Variants in GPR161 observed in about 807,000 individuals in gnomAD.
The protein encoded by GPR161 is G protein-coupled receptor 161, also known as G-protein coupled receptor RE2.
A neutral mutation model predicts 39.2 loss-of-function variants in GPR161; 25 were observed. That is an observed-to-expected ratio of 0.64 (90% CI 0.47 to 0.89). The LOEUF (loss-of-function observed/expected upper bound fraction) is 0.89, where lower values mean the gene tolerates loss of function less well. GPR161 is among the 40% of genes least tolerant of loss of function. The pLI, the probability that GPR161 is intolerant of heterozygous loss-of-function variation, is 0.00. For missense variants in GPR161, 547 were observed against 677.8 expected, an observed-to-expected ratio of 0.81 and a Z score of 2.14; for synonymous variants, 286 against 276.6, an observed-to-expected ratio of 1.03 and a Z score of -0.34.
At chr1:168,133,859 A>G (rs1699172450) in intron 1 of GPR161, 2 of 868,118 alleles carry the variant, frequency 2.3e-6, no homozygotes, top group African/African-American at 1.8e-5. Context: ...TATAATAGCA[A>G]TAAACTATAT....
upstream of GPR161, chr1:168,136,948 G>GGGGCC: frequency 1.1e-6 from 1 of 910,984 alleles, no homozygotes; most frequent in Non-Finnish European, 1.3e-6. Flanking sequence ...CGGCGCCCGC[G>GGGGCC]CCCCGCCCCG....
In GPR161 at chr1:168,096,888, T is replaced by C. The variant is rs773788330; in HGVS notation, c.719A>G (p.Lys240Arg). 8 of 1,614,020 alleles carry C rather than the reference T, an allele frequency of 5.0e-6. No individual in the cohort carries two copies. In the African/African-American group the frequency reaches 8.0e-5, roughly 16 times the overall value. ...AGAGGAGGTGGAGGTGCTGGAGTTCTTCCTCCCGGTCCTCTGAGCATCCTC... is the reference window on the plus strand; with the variant it reads ...AGAGGAGGTGGAGGTGCTGGAGTTCCTCCTCCCGGTCCTCTGAGCATCCTC... The part of the protein sequence containing the change: ...VEEDAQRTGR[K>R]NSSTSTSSSG... The change falls in exon 3 of 6, where the codon AAG becomes AGG. Residue 240 changes from lysine (K) to arginine (R), a missense_variant. Transcript: ENST00000682931.
At chr1:168,105,315 C>A (rs988876357) in intron 1 of GPR161, among the ~76,000 whole-genome samples, 4 of 152,118 alleles carry the variant, frequency 2.6e-5, no homozygotes, top group Non-Finnish European at 5.9e-5. Flanking sequence ...GGGGCTGTTA[C>A]AAGTGGTCTA....
At chr1:168,092,928 G>A (rs1263537151) in intron 3 of GPR161, among the ~76,000 whole-genome samples, 1 of 152,110 alleles carries the variant, frequency 6.6e-6, no homozygotes, top group African/African-American at 2.4e-5. Context: ...TGGAGGGGGT[G>A]CCCCCTGATA....
chr1:168,104,389 C>A, intron 2 of GPR161, 88 bp downstream of exon 2: 2 of 1,118,442 alleles, frequency 1.8e-6, no homozygotes, highest in African/African-American at 1.5e-5. Flanking sequence ...CTGACACTCT[C>A]CAGGGAACTA....
At chr1:168,122,932 A>G (rs2102238160) in intron 1 of GPR161, among the ~76,000 whole-genome samples, 1 of 152,378 alleles carries the variant, frequency 6.6e-6, no homozygotes, top group South Asian at 2.1e-4. Flanking sequence ...AAATTTTCCG[A>G]TCAGCACCTA....
chr1:168,090,357 A>T (rs1251904339), intron 4 of GPR161: 2 of 491,766 alleles, frequency 4.1e-6, no homozygotes, highest in African/African-American at 1.9e-5. Context: ...TGACAGCCCC[A>T]TTTTGTAGAG....
rs1694166197 is a variant in GPR161, at chr1:168,082,763, A to C, written c.*2768T>G. On this transcript the variant is annotated 3_prime_UTR_variant, in exon 6 of 6. Transcript: ENST00000682931. ...GGCTGCAGGCCTGCCACTGCATGGC[A>C]GTTTACAGCTAAAGAGCCTGGGTTT... is the stretch of plus-strand genomic sequence containing the variant. 1 of 152,366 alleles carries C rather than the reference A, an allele frequency of 6.6e-6. No individual in the cohort carries two copies. The highest frequency in any genetic ancestry group is 2.1e-4 in the South Asian group (1 of 4,832). 9.4% of individuals were successfully genotyped at this position (152,366 alleles called of 1,614,324 possible). A position where few individuals can be genotyped will look rare whatever the true frequency, so the allele number is the denominator to read the frequency against.
In GPR161 at chr1:168,104,593, C is replaced by T. The variant is rs990607394; in HGVS notation, c.258G>A (p.Thr86=). ...LSVLVLPFVV[T]SSIRREWIFG... is the part of the protein sequence containing the mutation. ...AGATCCATTCCCTGCGGATGGAGCT[C>T]GTCACCACAAAAGGCAGCACCAACA... The change falls in exon 2 of 6, where the codon ACG becomes ACA. Residue 86 remains threonine (T), a synonymous_variant. Transcript: ENST00000682931. 5.6e-6 allele frequency: 9 copies of T among 1,613,680 alleles called. No homozygotes were observed. Among genetic ancestry groups the T allele is most frequent in the Middle Eastern group, 1.6e-4 (1 of 6,084 alleles).
At chr1:168,132,450 T>C (rs1699066075) in intron 1 of GPR161, among the ~76,000 whole-genome samples, 1 of 150,820 alleles carries the variant, frequency 6.6e-6, no homozygotes. Flanking sequence ...TAGCCGGGCG[T>C]GGTGGCAGGT....
chr1:168,128,715 T>C (rs1292532274), intron 1 of GPR161, among the ~76,000 whole-genome samples: 1 of 152,220 alleles, frequency 6.6e-6, no homozygotes, highest in African/African-American at 2.4e-5. Flanking sequence ...TTAATTATTT[T>C]TTATTTATTA....
rs1280661617 is a variant in GPR161 at position 168,080,469 on chromosome 1, A to G, written c.*5062T>C. 1 of 152,274 alleles carries G rather than the reference A, an allele frequency of 6.6e-6. No homozygotes were observed. The highest frequency in any genetic ancestry group is 1.5e-5 in the Non-Finnish European group (1 of 68,084). 9.4% of individuals were successfully genotyped at this position (152,274 alleles called of 1,614,324 possible). On this transcript the variant is annotated 3_prime_UTR_variant, in exon 6 of 6. Coordinates refer to ENST00000682931, the MANE Select transcript of GPR161 (RefSeq NM_001375883.1). ...TATGGCTCTGCTCCTTCTTATAGGC[A>G]TATATGGCTAATCACAGCCATTCTC...
intron 1 of GPR161, chr1:168,134,844 C>T (rs2102275231): frequency 1.4e-6 from 2 of 1,451,002 alleles, no homozygotes; most frequent in East Asian, 2.5e-5. Flanking sequence ...CCACCCGCCT[C>T]CTGCACTCAG....
intron 3 of GPR161, among the ~76,000 whole-genome samples, chr1:168,094,189 T>C (rs370878408): frequency 1.2e-4 from 19 of 152,252 alleles, no homozygotes; most frequent in African/African-American, 4.3e-4. Flanking sequence ...GTGTTTCTTT[T>C]TGTTCTACGA....
chr1:168,102,041 G>T (rs1696152300), intron 2 of GPR161, among the ~76,000 whole-genome samples: 1 of 152,186 alleles, frequency 6.6e-6, no homozygotes, highest in Non-Finnish European at 1.5e-5. Flanking sequence ...GACTTTGGGT[G>T]ATCCACCCAC....
intron 1 of GPR161, among the ~76,000 whole-genome samples, chr1:168,125,604 G>C (rs1040547550): frequency 1.3e-5 from 2 of 150,182 alleles, no homozygotes; most frequent in Non-Finnish European, 2.9e-5. Context: ...ACAGTATCTT[G>C]ACTATCTTGC....
intron 1 of GPR161, among the ~76,000 whole-genome samples, chr1:168,116,467 C>T (rs376852078): frequency 6.6e-6 from 1 of 151,426 alleles, no homozygotes; most frequent in African/African-American, 2.4e-5. Flanking sequence ...CTAACTGGGG[C>T]GGGGTGTGTG....
intron 1 of GPR161, among the ~76,000 whole-genome samples, chr1:168,125,765 C>T (rs1698543480): frequency 6.6e-6 from 1 of 152,060 alleles, no homozygotes; most frequent in Non-Finnish European, 1.5e-5. Flanking sequence ...CTACAGGCAC[C>T]CGCCACCAGG....
chr1:168,102,508 A>G (rs909222414), intron 2 of GPR161, among the ~76,000 whole-genome samples: 1 of 152,144 alleles, frequency 6.6e-6, no homozygotes, highest in Admixed American at 6.5e-5. Flanking sequence ...GTAGACATCC[A>G]ACCAATATTT....
Sources: gnomAD v4.1 joint callset for allele counts (sites outside exome capture counted in the v4.1 genomes callset) on GRCh38, gnomAD v4.1.1 for gene constraint, MANE v1.5 for transcripts, NCBI Gene and HGNC (gene_info 2026-07-23, HGNC 2026-07-21) for gene names.